Variants in PMS1 observed in about 807,000 individuals in gnomAD.
PMS1 encodes PMS1 protein homolog 1.
In PMS1, 79 loss-of-function variants were observed where a neutral mutation model predicts 93.1. That is an observed-to-expected ratio of 0.85 (90% CI 0.71 to 1.02). The LOEUF (loss-of-function observed/expected upper bound fraction) is 1.02. Among genes scored for constraint, PMS1 ranks in the 50% least tolerant of loss-of-function variants. The probability of loss-of-function intolerance (pLI) is 0.00; values close to 1 mark genes in which losing one functional copy is unlikely to be tolerated. For missense variants in PMS1, 1,064 were observed against 1,085.3 expected, an observed-to-expected ratio of 0.98 and a Z score of 0.28; for synonymous variants, 335 against 363.4, an observed-to-expected ratio of 0.92 and a Z score of 0.89.
intron 9 of PMS1, among the ~76,000 whole-genome samples, chr2:189,859,589 C>T (rs148665753): frequency 9.2e-5 from 14 of 152,174 alleles, no homozygotes; most frequent in African/African-American, 2.6e-4. Flanking sequence ...GTGACATAAC[C>T]GCTGTGCTAG....
intron 4 of PMS1, among the ~76,000 whole-genome samples, chr2:189,816,561 G>A (rs889718299): frequency 1.3e-5 from 2 of 152,046 alleles, no homozygotes; most frequent in African/African-American, 4.8e-5. Flanking sequence ...CTTGAAATCT[G>A]CACTTAAGCC....
At chr2:189,789,925 C>T (rs181947577) in intron 1 of PMS1, among the ~76,000 whole-genome samples, 1 of 152,140 alleles carries the variant, frequency 6.6e-6, no homozygotes, top group African/African-American at 2.4e-5. Flanking sequence ...AAGCACCCCC[C>T]TCCCTGCATG....
At chr2:189,829,799 G>A (rs551783312) in intron 5 of PMS1, among the ~76,000 whole-genome samples, 1 of 152,098 alleles carries the variant, frequency 6.6e-6, no homozygotes, top group Non-Finnish European at 1.5e-5. Context: ...AGTAAATTCC[G>A]TAGGTCTATC....
chr2:189,836,831 C>T (rs1199240389), intron 5 of PMS1, among the ~76,000 whole-genome samples: 2 of 152,202 alleles, frequency 1.3e-5, no homozygotes, highest in Admixed American at 6.5e-5. Context: ...GCATAGTTCT[C>T]ATGTTTCACA....
At chr2:189,861,998 T>A (rs1320051776) in intron 9 of PMS1, among the ~76,000 whole-genome samples, 1 of 152,146 alleles carries the variant, frequency 6.6e-6, no homozygotes, top group African/African-American at 2.4e-5. Flanking sequence ...GGAGGTTTGC[T>A]GACCTTCTTG....
At chr2:189,839,589 TAGAG>T (rs2053656528) in intron 5 of PMS1, among the ~76,000 whole-genome samples, 3 of 152,250 alleles carry the variant, frequency 2.0e-5, no homozygotes, top group African/African-American at 7.2e-5. Flanking sequence ...TGATTTGTCT[TAGAG>T]ACAAACTCCT....
In PMS1 at chr2:189,865,328, CTG is replaced by C. The variant is rs2056558280; in HGVS notation, c.2342+1102_2342+1103del. On this transcript the variant is annotated intron_variant, in intron 10 of 12. Coordinates refer to ENST00000441310, the MANE Select transcript of PMS1 (RefSeq NM_000534.5). ...TTTGTTCAGTGGAATGTTCTGTTGT[CTG>C]TATTTGCTTTCTTATGTTGTTCAAC... 2.0e-5 allele frequency among the ~76,000 whole-genome samples: 3 copies of C among 152,144 alleles called. No individual in the cohort carries two copies. The South Asian group carries it at 6.2e-4, about 32-fold the overall frequency.
chr2:189,784,957 C>T (rs1243908314), intron 1 of PMS1, among the ~76,000 whole-genome samples: 1 of 152,208 alleles, frequency 6.6e-6, no homozygotes, highest in Admixed American at 6.5e-5. Context: ...GCAAGTTAAA[C>T]TCTTTAAAGT....
At chr2:189,825,063 G>A (rs949598953) in intron 5 of PMS1, among the ~76,000 whole-genome samples, 1 of 151,968 alleles carries the variant, frequency 6.6e-6, no homozygotes, top group South Asian at 2.1e-4. Flanking sequence ...ATCATATTGC[G>A]CATAATACGA....
intron 6 of PMS1, among the ~76,000 whole-genome samples, chr2:189,850,353 C>G (rs2054590425): frequency 6.6e-6 from 1 of 152,058 alleles, no homozygotes; most frequent in South Asian, 2.1e-4. Flanking sequence ...GTTTAACAGA[C>G]TAGGTAGCTG....
chr2:189,873,333 A>G (rs115242847), intron 11 of PMS1, among the ~76,000 whole-genome samples, 163 bp from the exon 12 acceptor site: 1 of 152,234 alleles, frequency 6.6e-6, no homozygotes, highest in African/African-American at 2.4e-5. Context: ...GTGAGACCCT[A>G]TGGGAAATTA....
intron 1 of PMS1, among the ~76,000 whole-genome samples, chr2:189,791,074 C>CT (rs199955049): frequency 3.9e-4 from 57 of 144,780 alleles, no homozygotes; most frequent in South Asian, 6.6e-4. Flanking sequence ...TTATTGTGGA[C>CT]TTTTTTTTTT....
intron 10 of PMS1, among the ~76,000 whole-genome samples, chr2:189,865,083 C>G (rs901487535): frequency 2.0e-5 from 3 of 151,952 alleles, no homozygotes; most frequent in Non-Finnish European, 4.4e-5. Flanking sequence ...ATATCTCTCT[C>G]TCAAAAAATG....
At chr2:189,864,688 ATATATATATATATATATATATAT>A (rs1428888006) in intron 10 of PMS1, among the ~76,000 whole-genome samples, 65 of 4,504 alleles carry the variant, frequency 0.014, 9 homozygotes, top group African/African-American at 0.042. Context: ...AAAAAAAAAA[ATATATATATATATATATATATAT>A]ATATATATAT....
intron 10 of PMS1, among the ~76,000 whole-genome samples, chr2:189,865,002 C>T (rs1190251579): frequency 1.3e-5 from 2 of 151,602 alleles, no homozygotes; most frequent in Non-Finnish European, 2.9e-5. Flanking sequence ...CCTTTCTATA[C>T]AGTATATACA....
intron 12 of PMS1, 149 bp downstream of exon 12, chr2:189,873,805 G>C (rs1202147886): frequency 1.6e-6 from 1 of 625,506 alleles, no homozygotes; most frequent in Non-Finnish European, 2.9e-6. Context: ...ATCAGTGGCA[G>C]CATTAGATTC....
chr2:189,830,437 T>C (rs886108610), intron 5 of PMS1, among the ~76,000 whole-genome samples: 34 of 152,182 alleles, frequency 2.2e-4, no homozygotes, highest in African/African-American at 7.7e-4. Context: ...ACTTAAACTT[T>C]CTCCGTGAGG....
At chr2:189,802,026 T>C (rs1042847351) in intron 3 of PMS1, among the ~76,000 whole-genome samples, 1 of 152,200 alleles carries the variant, frequency 6.6e-6, no homozygotes, top group Non-Finnish European at 1.5e-5. Context: ...CATCCCGTAG[T>C]GTTAGTTCAT....
chr2:189,849,131 C>T (rs1350217833), intron 6 of PMS1, among the ~76,000 whole-genome samples: 1 of 152,028 alleles, frequency 6.6e-6, no homozygotes, highest in Non-Finnish European at 1.5e-5. Context: ...AGGGACCCCA[C>T]ATGGGAAGAA....
Sources: allele counts gnomAD v4.1 joint callset (sites outside exome capture counted in the v4.1 genomes callset), GRCh38; gene constraint gnomAD v4.1.1; transcripts MANE v1.5; gene names NCBI Gene and HGNC (gene_info 2026-07-23, HGNC 2026-07-21).